FAM83F: variants seen among roughly 807,000 people sequenced by gnomAD.
The protein encoded by FAM83F is protein FAM83F.
A neutral mutation model predicts 42.9 loss-of-function variants in FAM83F; 45 were observed. The ratio of observed to expected loss-of-function variants is 1.05; its 90% confidence interval spans 0.83 to 1.35. The LOEUF (loss-of-function observed/expected upper bound fraction) is 1.35, where lower values mean the gene tolerates loss of function less well. Among genes scored for constraint, FAM83F ranks in the 40% most tolerant of loss-of-function variants. The probability of loss-of-function intolerance (pLI) is 0.00; values close to 1 mark genes in which losing one functional copy is unlikely to be tolerated. For missense variants in FAM83F, 617 were observed against 695.9 expected, an observed-to-expected ratio of 0.89 and a Z score of 1.28; for synonymous variants, 306 against 298.3, an observed-to-expected ratio of 1.03 and a Z score of -0.27.
At position 40,039,622 on chromosome 22, in the gene FAM83F, C is replaced by G. The variant is rs2067642742; in HGVS notation, c.*10057C>G. 6.6e-6 allele frequency: 1 copy of G among 152,210 alleles called. No homozygotes were observed. The highest frequency in any genetic ancestry group is 2.1e-4 in the South Asian group (1 of 4,830). 9.4% of individuals were successfully genotyped at this position (152,210 alleles called of 1,614,324 possible). A position where few individuals can be genotyped will look rare whatever the true frequency, so the allele number is the denominator to read the frequency against. On this transcript the variant is annotated 3_prime_UTR_variant, in exon 5 of 5. Transcript: ENST00000333407. Reference sequence around the variant, plus strand: ...AGGTGAAAGTAGGATAATGACCCAGCTGAGCTTGCTGAGTCCTGCGAGCGT... The same window carrying G: ...AGGTGAAAGTAGGATAATGACCCAGGTGAGCTTGCTGAGTCCTGCGAGCGT...
At position 40,021,325 on chromosome 22, in the gene FAM83F, T is replaced by A; in HGVS notation, c.815T>A (p.Leu272His). ...TWSSSHVDRNLLLLLTGQNVE... is the reference protein window; with the variant it reads ...TWSSSHVDRNHLLLLTGQNVE... ...AGTTCCTCCCATGTGGACAGAAACC[T>A]CCTCCTGCTCCTGACAGGACAGAAC... is the stretch of plus-strand genomic sequence containing the variant. Residue 272 changes from leucine to histidine, a missense_variant, in exon 4 of 5, where the codon CTC becomes CAC. Leu to His is a moderately conservative substitution (Grantham distance 99). Transcript: ENST00000333407. The surrounding 1 kb of genome is among the most constrained non-coding windows in gnomAD (Gnocchi z 8.7). 1 of 1,566,312 alleles carries A rather than the reference T, an allele frequency of 6.4e-7. No individual in the cohort carries two copies. The highest frequency in any genetic ancestry group is 8.7e-7 in the Non-Finnish European group (1 of 1,151,254).
intron 1 of FAM83F, among the ~76,000 whole-genome samples, chr22:40,008,673 G>A (rs530899348): frequency 6.6e-6 from 1 of 152,310 alleles, no homozygotes; most frequent in East Asian, 1.9e-4. Flanking sequence ...ATTTTCTTGG[G>A]CCTTTGCTGA....
At chr22:40,015,525 T>C (rs2067488284) in intron 1 of FAM83F, among the ~76,000 whole-genome samples, 1 of 152,146 alleles carries the variant, frequency 6.6e-6, no homozygotes, top group Non-Finnish European at 1.5e-5. Context: ...ACGTGACACC[T>C]GTACGTAGGT....
intron 4 of FAM83F, 126 bp from the exon 5 acceptor site, chr22:40,029,390 G>T: frequency 7.6e-7 from 1 of 1,322,222 alleles, no homozygotes; most frequent in South Asian, 1.5e-5. Flanking sequence ...TCAGCAGCTT[G>T]GGAGGGAGAC....
At chr22:39,999,215 G>A (rs1043947924) in intron 1 of FAM83F, 7 of 152,356 alleles carry the variant, frequency 4.6e-5, no homozygotes, top group East Asian at 3.9e-4. Context: ...CCCCTAAACC[G>A]GGTTAGGGAA....
In FAM83F at chr22:40,019,171, A is replaced by G; in HGVS notation, c.493A>G (p.Ile165Val). 6.2e-7 allele frequency: 1 copy of G among 1,613,950 alleles called. No individual in the cohort carries two copies. Among genetic ancestry groups the G allele is most frequent in the Non-Finnish European group, 8.5e-7 (1 of 1,180,000 alleles). ...ACCAGTGCCTTTCCCCACCCAGGTC[A>G]TTGCTGTGGTCATGGACCTCTTCAC... ...RQMIQQAQKV[I>V]AVVMDLFTDG... is the part of the protein sequence containing the mutation. Residue 165 changes from isoleucine (I) to valine (V), a missense_variant, in exon 2 of 5, where the codon ATT becomes GTT. Coordinates refer to ENST00000333407, the MANE Select transcript of FAM83F (RefSeq NM_138435.4).
In FAM83F at chr22:40,021,367, C is replaced by T. The variant is rs772255056; in HGVS notation, c.857C>T (p.Thr286Met). 124 of 1,611,034 alleles carry T rather than the reference C, an allele frequency of 7.7e-5. No individual in the cohort carries two copies. Among genetic ancestry groups the T allele is most frequent in the Non-Finnish European group, 9.6e-5 (113 of 1,178,000 alleles). Residue 286 changes from threonine to methionine, a missense_variant, in exon 4 of 5, where the codon ACG (threonine) becomes ATG (methionine). Physicochemically the swap from Thr to Met is moderately conservative, Grantham distance 81. Coordinates refer to ENST00000333407, the MANE Select transcript of FAM83F (RefSeq NM_138435.4). This position sits in a 1 kb window ranked among gnomAD's most constrained non-coding sequence, Gnocchi z 8.7. Reference protein sequence around the residue: ...LTGQNVEPFDTEFRELYAISE... With the variant: ...LTGQNVEPFDMEFRELYAISE... ...GGACAGAACGTAGAGCCCTTTGACA[C>T]GGAGTTCCGGGAGCTGTACGCCATC...
rs1176119220 is a variant in FAM83F, at chr22:40,036,787, A to G, written c.*7222A>G. On this transcript the variant is annotated 3_prime_UTR_variant, in exon 5 of 5. Transcript: ENST00000333407. Reference sequence around the variant, plus strand: ...AGCCTTGGAGAACTTGGAGAAGCCCACGCGGCTGGCAGCATCATGGTGAGA... The same window carrying G: ...AGCCTTGGAGAACTTGGAGAAGCCCGCGCGGCTGGCAGCATCATGGTGAGA... 1 of 152,366 alleles carries G rather than the reference A, an allele frequency of 6.6e-6. No homozygotes were observed. Among genetic ancestry groups the G allele is most frequent in the African/African-American group, 2.4e-5 (1 of 41,470 alleles). The allele number at this position is 152,366 out of a possible 1,614,324, so 9.4% of individuals were successfully genotyped here.
At position 39,994,992 on chromosome 22, in the gene FAM83F, C is replaced by T. The variant is rs1458574658; in HGVS notation, c.-51C>T. 41 of 1,231,532 alleles carry T rather than the reference C, an allele frequency of 3.3e-5. No homozygotes were observed. Among genetic ancestry groups the T allele is most frequent in the Non-Finnish European group, 3.7e-5 (37 of 988,568 alleles). 76.3% of individuals were successfully genotyped at this position (1,231,532 alleles called of 1,614,324 possible). On this transcript the variant is annotated 5_prime_UTR_variant, in exon 1 of 5. Transcript: ENST00000333407. ...GCGGCTCCAGGTGCGGCTGTGGGAC[C>T]TCGGACCGCGGCGGGGCCGGGGCCA... is the stretch of plus-strand genomic sequence containing the variant.
At chr22:40,004,690 G>C (rs556904809) in intron 1 of FAM83F, among the ~76,000 whole-genome samples, 3 of 151,868 alleles carry the variant, frequency 2.0e-5, no homozygotes, top group Non-Finnish European at 4.4e-5. Flanking sequence ...CACCCTCTTC[G>C]ACCTTCTAAA....
chr22:40,009,790 C>G (rs2067453359), intron 1 of FAM83F: 2 of 152,290 alleles, frequency 1.3e-5, no homozygotes, highest in African/African-American at 4.8e-5. Context: ...GTCATCCAAA[C>G]ACACGTGGGG....
chr22:40,006,669 G>A (rs951386034), intron 1 of FAM83F, among the ~76,000 whole-genome samples: 5 of 152,222 alleles, frequency 3.3e-5, no homozygotes, highest in African/African-American at 1.2e-4. Context: ...CTGATTATCT[G>A]GGGGAAAGTG....
At chr22:40,029,442 G>T in intron 4 of FAM83F, 74 bp from the exon 5 acceptor site, 1 of 1,543,842 alleles carries the variant, frequency 6.5e-7, no homozygotes, top group South Asian at 1.2e-5. Flanking sequence ...ACAGCACACA[G>T]GGTAGGAACT....
rs1454020372 is a variant in FAM83F, at chr22:40,030,548, T to A, written c.*983T>A. ...CTTCCAGGTTACACTTTGGCCAGAC[T>A]GGCCTTTGCCTCCTGCGAGAGTCAG... On this transcript the variant is annotated 3_prime_UTR_variant, in exon 5 of 5. Coordinates refer to ENST00000333407, the MANE Select transcript of FAM83F (RefSeq NM_138435.4). 6.6e-6 allele frequency: 1 copy of A among 152,268 alleles called. No individual in the cohort carries two copies. Among genetic ancestry groups the A allele is most frequent in the Non-Finnish European group, 1.5e-5 (1 of 68,084 alleles). The allele number at this position is 152,268 out of a possible 1,614,324, so 9.4% of individuals were successfully genotyped here. A position where few individuals can be genotyped will look rare whatever the true frequency, so the allele number is the denominator to read the frequency against.
In FAM83F at chr22:40,037,989, C is replaced by T. The variant is rs966486724; in HGVS notation, c.*8424C>T. On this transcript the variant is annotated 3_prime_UTR_variant, in exon 5 of 5. Transcript: ENST00000333407. ...CACCTCAGCCTCCCAAGTAGCTGGG[C>T]TTACAGATGTGAGCCACTGCACCTG... is the stretch of plus-strand genomic sequence containing the variant. 1.3e-5 allele frequency: 2 copies of T among 152,256 alleles called. No individual in the cohort carries two copies. The highest frequency in any genetic ancestry group is 2.9e-5 in the Non-Finnish European group (2 of 68,084). 9.4% of individuals were successfully genotyped at this position (152,256 alleles called of 1,614,324 possible).
In FAM83F at chr22:40,031,490, C is replaced by T. The variant is rs937562795; in HGVS notation, c.*1925C>T. 1 of 152,354 alleles carries T rather than the reference C, an allele frequency of 6.6e-6. No individual in the cohort carries two copies. The highest frequency in any genetic ancestry group is 6.5e-5 in the Admixed American group (1 of 15,296). 9.4% of individuals were successfully genotyped at this position (152,354 alleles called of 1,614,324 possible). A position where few individuals can be genotyped will look rare whatever the true frequency, so the allele number is the denominator to read the frequency against. On this transcript the variant is annotated 3_prime_UTR_variant, in exon 5 of 5. Coordinates refer to ENST00000333407, the MANE Select transcript of FAM83F (RefSeq NM_138435.4). Reference sequence around the variant, plus strand: ...AGGCCCTGCTTTGTCCCTTTACCTCCTCTAGGCCCAAAGCACACCCAGGTC... The same window carrying T: ...AGGCCCTGCTTTGTCCCTTTACCTCTTCTAGGCCCAAAGCACACCCAGGTC...
rs1173946240 is a variant in FAM83F, at chr22:39,995,275, T to G, written c.233T>G (p.Val78Gly). 1 of 1,535,118 alleles carries G rather than the reference T, an allele frequency of 6.5e-7. No individual in the cohort carries two copies. Among genetic ancestry groups the G allele is most frequent in the East Asian group, 2.5e-5 (1 of 40,786 alleles). ...GCCTGGAGCCCCTACGAGGACGCCG[T>G]CCCCGCCGCCAACGCCCGGGGCAAG... is the stretch of plus-strand genomic sequence containing the variant. The part of the protein sequence containing the change: ...RAAWSPYEDA[V>G]PAANARGKSK... Residue 78 changes from valine (V) to glycine (G), a missense_variant, in exon 1 of 5, where the codon GTC (valine) becomes GGC (glycine). Transcript: ENST00000333407. This position sits in a 1 kb window ranked among gnomAD's most constrained non-coding sequence, Gnocchi z 4.6.
intron 3 of FAM83F, among the ~76,000 whole-genome samples, chr22:40,020,606 G>A (rs1231936992): frequency 2.0e-5 from 3 of 151,912 alleles, no homozygotes; most frequent in Admixed American, 1.3e-4. Flanking sequence ...CAAGTGATCC[G>A]CCCGCCTCAG....
chr22:40,029,401 A>G, intron 4 of FAM83F, 115 bp from the exon 5 acceptor site: 1 of 1,392,392 alleles, frequency 7.2e-7, no homozygotes, highest in South Asian at 1.4e-5. Flanking sequence ...GGAGGGAGAC[A>G]GTGACCCCAG....
Sources: gnomAD v4.1 joint callset for allele counts (sites outside exome capture counted in the v4.1 genomes callset) on GRCh38, gnomAD v4.1.1 for gene constraint, Gnocchi (gnomAD v3.1) non-coding constraint, MANE v1.5 for transcripts, NCBI Gene and HGNC (gene_info 2026-07-23, HGNC 2026-07-21) for gene names.